The following RAD51B variants were observed in gnomAD, a reference collection of about 807,000 sequenced individuals.
The protein encoded by RAD51B is DNA repair protein RAD51 homolog 2.
RAD51B carries 38 observed loss-of-function variants against 42.2 expected under a neutral mutation model. The observed-to-expected ratio is 0.90, with a 90% CI of 0.70 to 1.18. RAD51B has a LOEUF of 1.18. Ranked by LOEUF, RAD51B falls within the 50% of genes most tolerant of loss-of-function variation. RAD51B has a pLI of 0.00. For synonymous variants in RAD51B, 154 were observed against 145.2 expected (o/e 1.06, Z -0.43); for missense variants, 373 against 400.7 (o/e 0.93, Z 0.59).
At chr14:68,346,965 G>A (rs985177236) in intron 8 of RAD51B, among the ~76,000 whole-genome samples, 1 of 151,990 alleles carries the variant, frequency 6.6e-6, no homozygotes, top group African/African-American at 2.4e-5. Flanking sequence ...ACCCCCCAAG[G>A]CTGGCTCAGC....
chr14:68,103,593 C>G (rs906864703), intron 7 of RAD51B, among the ~76,000 whole-genome samples: 2 of 152,100 alleles, frequency 1.3e-5, no homozygotes, highest in Non-Finnish European at 2.9e-5. Context: ...TGTCTGCACC[C>G]ATTTCTCATT....
At chr14:67,878,766 C>A (rs1325319626) in intron 5 of RAD51B, among the ~76,000 whole-genome samples, 1 of 152,024 alleles carries the variant, frequency 6.6e-6, no homozygotes, top group African/African-American at 2.4e-5. Flanking sequence ...GTGGTGTGAT[C>A]TTGGTTCACT....
chr14:68,419,591 C>A (rs1309051062), intron 9 of RAD51B, among the ~76,000 whole-genome samples: 1 of 152,158 alleles, frequency 6.6e-6, no homozygotes, highest in Admixed American at 6.5e-5. Flanking sequence ...TCCTTATAGA[C>A]AACATCCTGC....
intron 10 of RAD51B, among the ~76,000 whole-genome samples, chr14:68,617,834 T>A (rs761917587): frequency 2.6e-5 from 4 of 152,246 alleles, no homozygotes; most frequent in African/African-American, 9.6e-5. Context: ...GGTTTCACCA[T>A]GTTGGCCAGG....
At chr14:68,157,849 C>A (rs2078546533) in intron 7 of RAD51B, among the ~76,000 whole-genome samples, 1 of 152,082 alleles carries the variant, frequency 6.6e-6, no homozygotes, top group Non-Finnish European at 1.5e-5. Flanking sequence ...TAGCTCGTGG[C>A]CATTAGTATT....
chr14:68,400,060 A>G (rs1265044581), intron 8 of RAD51B, among the ~76,000 whole-genome samples: 1 of 152,190 alleles, frequency 6.6e-6, no homozygotes, highest in Non-Finnish European at 1.5e-5. Flanking sequence ...AGTGGGCCTG[A>G]AGCAACAGCA....
intron 10 of RAD51B, among the ~76,000 whole-genome samples, chr14:68,542,268 T>C (rs1888007446): frequency 1.3e-5 from 2 of 152,326 alleles, no homozygotes; most frequent in Middle Eastern, 3.4e-3. Flanking sequence ...TGACTTCTTG[T>C]TACATGCAAA....
chr14:68,611,750 C>T (rs1891688748), downstream of RAD51B, among the ~76,000 whole-genome samples: 1 of 152,332 alleles, frequency 6.6e-6, no homozygotes, highest in East Asian at 1.9e-4. Flanking sequence ...CACCTGGGCA[C>T]ACACAGCACA....
chr14:68,516,662 T>C (rs1013111019), intron 10 of RAD51B, among the ~76,000 whole-genome samples: 1 of 152,258 alleles, frequency 6.6e-6, no homozygotes, highest in African/African-American at 2.4e-5. Context: ...CAATGAACTT[T>C]TTGTGCTCAG....
exon 11 of RAD51B, chr14:68,595,172 A>T: frequency 1.6e-5 from 17 of 1,065,458 alleles, no homozygotes; most frequent in Non-Finnish European, 1.9e-5. Context: ...CCAATTATCC[A>T]CTCTAATGGA....
intron 7 of RAD51B, among the ~76,000 whole-genome samples, chr14:68,169,747 T>G (rs551357340): frequency 6.6e-6 from 1 of 152,090 alleles, no homozygotes; most frequent in African/African-American, 2.4e-5. Flanking sequence ...TATATTTGAA[T>G]TGATGGATAT....
intron 7 of RAD51B, among the ~76,000 whole-genome samples, chr14:67,973,361 C>T (rs2074932882): frequency 6.6e-6 from 1 of 152,030 alleles, no homozygotes; most frequent in Non-Finnish European, 1.5e-5. Context: ...GTGAATAGGA[C>T]CCTCAAAGGA....
intron 10 of RAD51B, among the ~76,000 whole-genome samples, chr14:68,469,757 A>G (rs2086075454): frequency 6.6e-6 from 1 of 152,252 alleles, no homozygotes; most frequent in African/African-American, 2.4e-5. Context: ...ATTTCGTTGA[A>G]GATTTCAAGA....
downstream of RAD51B, chr14:68,611,625 T>G: frequency 2.8e-6 from 1 of 354,696 alleles, no homozygotes; most frequent in Non-Finnish European, 5.3e-6. Flanking sequence ...AGAAGTTGAA[T>G]AGGACTCCAC....
chr14:67,996,638 A>G (rs1001287452), intron 7 of RAD51B, among the ~76,000 whole-genome samples: 1 of 152,120 alleles, frequency 6.6e-6, no homozygotes, highest in African/African-American at 2.4e-5. Context: ...AGCAGGAGGA[A>G]GAGCCATGGG....
intron 7 of RAD51B, among the ~76,000 whole-genome samples, chr14:68,029,046 C>T (rs2075999778): frequency 1.3e-5 from 2 of 152,210 alleles, no homozygotes; most frequent in South Asian, 4.1e-4. Flanking sequence ...GTGTGCAGTC[C>T]CACAGTCTCT....
rs146741593 is a variant in RAD51B, at chr14:68,490,678, T to C, written c.1036+22428T>C. Among the ~76,000 whole-genome samples the C allele has an allele frequency of 5.3e-5, 8 of 152,322 alleles. No homozygotes were observed. In the East Asian group the frequency reaches 5.8e-4, roughly 11 times the overall value. On this transcript the variant is annotated intron_variant, in intron 10 of 10. Coordinates refer to the RAD51B transcript ENST00000487270. ...AATTTAAGCTGACACTCCTTCTCAATTGGGGCAAATCATCAAAGCTTTATT... is the reference window on the plus strand; with the variant it reads ...AATTTAAGCTGACACTCCTTCTCAACTGGGGCAAATCATCAAAGCTTTATT...
intron 7 of RAD51B, among the ~76,000 whole-genome samples, chr14:67,897,311 G>A (rs1379385602): frequency 3.3e-5 from 5 of 152,058 alleles, no homozygotes; most frequent in Non-Finnish European, 5.9e-5. Flanking sequence ...AACAACTCAC[G>A]AAATAGGAGA....
At chr14:68,289,429 A>G (rs1331361133) in intron 7 of RAD51B, among the ~76,000 whole-genome samples, 2 of 152,078 alleles carry the variant, frequency 1.3e-5, no homozygotes, top group African/African-American at 4.8e-5. Context: ...TATAAAAGAG[A>G]AATGGCCGGG....
Sources: allele counts gnomAD v4.1 joint callset (sites outside exome capture counted in the v4.1 genomes callset), GRCh38; gene constraint gnomAD v4.1.1; transcripts MANE v1.5; gene names NCBI Gene and HGNC (gene_info 2026-07-23, HGNC 2026-07-21).